Variants in SLC2A14 observed in about 807,000 individuals in gnomAD.
SLC2A14 encodes solute carrier family 2, facilitated glucose transporter member 14.
Under a neutral mutation model 43.0 loss-of-function variants are expected in SLC2A14, and 13 were observed. The ratio of observed to expected loss-of-function variants is 0.30; its 90% CI spans 0.20 to 0.48. The LOEUF (loss-of-function observed/expected upper bound fraction) is 0.48, where lower values mean the gene tolerates loss of function less well. SLC2A14 is among the 20% of genes least tolerant of loss of function. The pLI is 0.99. For synonymous variants in SLC2A14, 190 were observed against 233.8 expected, an observed-to-expected ratio of 0.81 and a Z score of 1.71; for missense variants, 428 against 620.4, an observed-to-expected ratio of 0.69 and a Z score of 3.29.
In SLC2A14 at chr12:7,879,310, C is replaced by CAA. The variant is rs745333898; in HGVS notation, c.132+11684_132+11685dup. Among the ~76,000 whole-genome samples the CAA allele has an allele frequency of 8.0e-3, 526 of 65,776 alleles. 6 individuals carry two copies. Among genetic ancestry groups the CAA allele is most frequent in the East Asian group, 0.078 (174 of 2,234 alleles). 43.2% of individuals were successfully genotyped at this position (65,776 alleles called of 152,430 possible). A position where few individuals can be genotyped will look rare whatever the true frequency, so the allele number is the denominator to read the frequency against. On this transcript the variant is annotated intron_variant, in intron 1 of 9. Coordinates refer to the SLC2A14 transcript ENST00000539924. ...AAAACCTAGCAAGACCTCAACTCTG[C>CAA]AAAAAAAAACAAACAACAACAAAAA... is the stretch of plus-strand genomic sequence containing the variant.
At chr12:7,823,078 C>T (rs115965870) in intron 7 of SLC2A14, among the ~76,000 whole-genome samples, 1 of 152,074 alleles carries the variant, frequency 6.6e-6, no homozygotes, top group Non-Finnish European at 1.5e-5. Flanking sequence ...TTACTAGGCA[C>T]TGCGCTAAAA....
At chr12:7,868,764 T>G (rs926616798) in intron 2 of SLC2A14, among the ~76,000 whole-genome samples, 1 of 152,164 alleles carries the variant, frequency 6.6e-6, no homozygotes, top group Admixed American at 6.6e-5. Flanking sequence ...TCCCAGCATT[T>G]TGGGAGGCCG....
At chr12:7,822,075 C>T (rs1460383943) in intron 7 of SLC2A14, among the ~76,000 whole-genome samples, 1 of 151,752 alleles carries the variant, frequency 6.6e-6, no homozygotes, top group African/African-American at 2.4e-5. Flanking sequence ...CCGCCCGCCT[C>T]GGCCTCCCAA....
chr12:7,821,511 T>G (rs931209439), intron 7 of SLC2A14, among the ~76,000 whole-genome samples, 186 bp from the exon 8 acceptor site: 14 of 152,030 alleles, frequency 9.2e-5, no homozygotes, highest in Non-Finnish European at 1.5e-4. Context: ...GGTGAAACCC[T>G]GTTTCTACTA....
At chr12:7,863,030 G>A (rs1192970860) in intron 2 of SLC2A14, among the ~76,000 whole-genome samples, 1 of 152,084 alleles carries the variant, frequency 6.6e-6, no homozygotes, top group Non-Finnish European at 1.5e-5. Context: ...AACCAGCTTG[G>A]GTGTCCTTTC....
chr12:7,854,572 A>G (rs1592258734), intron 2 of SLC2A14, among the ~76,000 whole-genome samples: 1 of 151,994 alleles, frequency 6.6e-6, no homozygotes, highest in African/African-American at 2.4e-5. Context: ...ATGGCTCACA[A>G]TGGAGTGCGA....
At position 7,813,205 on chromosome 12, in the gene SLC2A14, A is replaced by G. The variant is rs1203315743; in HGVS notation, c.*1111T>C. ...TTCCTTTAAAGGTATGAGTTAAAATAAAACAGAAAATCAACACCTAAAATC... is the reference window on the plus strand; with the variant it reads ...TTCCTTTAAAGGTATGAGTTAAAATGAAACAGAAAATCAACACCTAAAATC... On this transcript the variant is annotated 3_prime_UTR_variant, in exon 11 of 11. Transcript: ENST00000431042. 5.3e-5 allele frequency: 8 copies of G among 151,948 alleles called. No homozygotes were observed. The highest frequency in any genetic ancestry group is 1.0e-4 in the Non-Finnish European group (7 of 67,986). 9.4% of individuals were successfully genotyped at this position (151,948 alleles called of 1,614,324 possible).
At chr12:7,859,540 CT>C (rs1325342880) in intron 2 of SLC2A14, among the ~76,000 whole-genome samples, 1 of 152,000 alleles carries the variant, frequency 6.6e-6, no homozygotes, top group Non-Finnish European at 1.5e-5. Context: ...CTGAGGTGGA[CT>C]GGAAAACAAG....
At chr12:7,817,753 T>TAGATAGATAGATAGAC in intron 10 of SLC2A14, 78 bp downstream of exon 10, 1 of 1,265,934 alleles carries the variant, frequency 7.9e-7, no homozygotes, top group Non-Finnish European at 1.1e-6. Flanking sequence ...TATATATATA[T>TAGATAGATAGATAGAC]AGATAGATAG....
chr12:7,819,164 C>G (rs563298338), intron 9 of SLC2A14, among the ~76,000 whole-genome samples: 1 of 148,254 alleles, frequency 6.7e-6, no homozygotes, highest in African/African-American at 2.4e-5. Context: ...TTGTGGTGAG[C>G]TGAGATTGCA....
At chr12:7,877,252 C>T (rs1335941533), upstream of SLC2A14, among the ~76,000 whole-genome samples, 2 of 151,986 alleles carry the variant, frequency 1.3e-5, no homozygotes, top group African/African-American at 4.8e-5. Flanking sequence ...CCCGCCTCGG[C>T]CTCCCAAAGT....
rs145822198 is a variant in SLC2A14 at position 7,838,139 on chromosome 12, G to A, written c.19-5325C>T. The stretch of plus-strand genomic sequence containing the variant: ...ATCTCGCTCTGTCACCCATGCAGGA[G>A]TGCAGTGCCGAGATCTTGGCTTACT... On this transcript the variant is annotated intron_variant, in intron 2 of 10. Coordinates refer to ENST00000431042, the MANE Select transcript of SLC2A14 (RefSeq NM_001286234.2). Among the ~76,000 whole-genome samples the A allele has an allele frequency of 4.1e-3, 613 of 151,014 alleles. 2 individuals are homozygous for A. The highest frequency in any genetic ancestry group is 0.014 in the African/African-American group (576 of 41,128).
upstream of SLC2A14, among the ~76,000 whole-genome samples, chr12:7,877,226 G>A (rs1032795334): frequency 2.6e-5 from 4 of 151,976 alleles, no homozygotes; most frequent in South Asian, 8.3e-4. Flanking sequence ...TTGAACTCCT[G>A]ACCTCAGGTG....
chr12:7,884,984 A>G (rs6488740), intron 1 of SLC2A14, among the ~76,000 whole-genome samples: 151,061 of 152,190 alleles, frequency 0.99, 74,988 homozygotes, highest in East Asian at 1. Context: ...CCAAAAAACG[A>G]TCAGGACTAT....
chr12:7,878,995 A>AC (rs1030364457), intron 1 of SLC2A14, among the ~76,000 whole-genome samples: 2 of 126,134 alleles, frequency 1.6e-5, no homozygotes, highest in African/African-American at 3.0e-5. Context: ...AAAAAAAAAA[A>AC]AAAAAAAAAA....
intron 1 of SLC2A14, among the ~76,000 whole-genome samples, chr12:7,883,585 C>CTT (rs1378522679): frequency 8.3e-6 from 1 of 121,080 alleles, no homozygotes; most frequent in African/African-American, 3.2e-5. Context: ...TTTTCTTTTT[C>CTT]TTTTCTTTTT....
At chr12:7,883,415 C>G (rs575328509) in intron 1 of SLC2A14, among the ~76,000 whole-genome samples, 10 of 150,002 alleles carry the variant, frequency 6.7e-5, no homozygotes, top group African/African-American at 2.4e-4. Context: ...TACAGGCGCC[C>G]GCCACCATGC....
intron 1 of SLC2A14, among the ~76,000 whole-genome samples, chr12:7,886,117 G>A (rs12304229): frequency 0.017 from 2,400 of 145,014 alleles, 65 homozygotes; most frequent in African/African-American, 0.056. Flanking sequence ...CTGAGTAGCT[G>A]GGATTACAGG....
intron 1 of SLC2A14, among the ~76,000 whole-genome samples, chr12:7,881,620 G>A (rs1025646575): frequency 7.9e-5 from 12 of 152,106 alleles, no homozygotes; most frequent in Non-Finnish European, 1.6e-4. Context: ...CCTGCTCCAC[G>A]CGCCCAGTCC....
Sources: allele counts gnomAD v4.1 joint callset (sites outside exome capture counted in the v4.1 genomes callset), GRCh38; gene constraint gnomAD v4.1.1; transcripts MANE v1.5; gene names NCBI Gene and HGNC (gene_info 2026-07-23, HGNC 2026-07-21).